Variants in POLA2 observed in about 807,000 individuals in gnomAD.
POLA2 encodes the protein DNA polymerase alpha subunit B.
Under a neutral mutation model 82.8 loss-of-function variants are expected in POLA2, and 47 were observed. The observed-to-expected ratio is 0.57, with a 90% CI of 0.45 to 0.72. The LOEUF (loss-of-function observed/expected upper bound fraction) is 0.72, where lower values mean the gene tolerates loss of function less well. Among genes scored for constraint, POLA2 ranks in the 30% least tolerant of loss-of-function variants. The pLI is 0.00. For missense variants in POLA2, 634 were observed against 728.1 expected (o/e 0.87, Z 1.49); for synonymous variants, 287 against 286.8 (o/e 1.00, Z -0.01).
At chr11:65,268,752 T>C (rs749447174) in intron 4 of POLA2, 23 bp downstream of exon 4, 46 of 1,469,556 alleles carry the variant, frequency 3.1e-5, no homozygotes, top group Admixed American at 4.6e-5. Flanking sequence ...TGTTTGGACA[T>C]TGCATTTTAC....
intron 4 of POLA2, 54 bp downstream of exon 4, chr11:65,268,783 T>G: frequency 2.5e-6 from 3 of 1,182,490 alleles, no homozygotes; most frequent in African/African-American, 1.6e-5. Flanking sequence ...TTAAAATAGT[T>G]TCACAACATT....
At chr11:65,283,872 A>G (rs992466335) in intron 10 of POLA2, among the ~76,000 whole-genome samples, 4 of 151,854 alleles carry the variant, frequency 2.6e-5, no homozygotes, top group Non-Finnish European at 4.4e-5. Flanking sequence ...AAATATTTCA[A>G]CATAATTTCA....
At position 65,297,303 on chromosome 11, in the gene POLA2, G is replaced by A; in HGVS notation, c.*34G>A. The A allele has an allele frequency of 1.3e-6, 2 of 1,546,914 alleles. No individual in the cohort carries two copies. The highest frequency in any genetic ancestry group is 1.2e-5 in the South Asian group (1 of 80,940). ...TCCTCTGCTGTTCTCTGCTGTGTGGGCCCTTAAAGTCTTAGCCAAGAGCCA... is the reference window on the plus strand; with the variant it reads ...TCCTCTGCTGTTCTCTGCTGTGTGGACCCTTAAAGTCTTAGCCAAGAGCCA... On this transcript the variant is annotated 3_prime_UTR_variant, in exon 18 of 18. Transcript: ENST00000265465.
intron 17 of POLA2, among the ~76,000 whole-genome samples, chr11:65,296,673 G>A (rs1212678240): frequency 1.3e-5 from 2 of 152,144 alleles, no homozygotes; most frequent in Non-Finnish European, 2.9e-5. Context: ...GAGGCCGGGC[G>A]CAGTGGTTGA....
At position 65,298,122 on chromosome 11, in the gene POLA2, G is replaced by C. The variant is rs1212086046; in HGVS notation, c.*853G>C. 1.3e-5 allele frequency: 2 copies of C among 152,466 alleles called. No homozygotes were observed. The highest frequency in any genetic ancestry group is 2.9e-5 in the Non-Finnish European group (2 of 68,262). The allele number at this position is 152,466 out of a possible 1,614,324, so 9.4% of individuals were successfully genotyped here. Reference sequence around the variant, plus strand: ...CCCCAAAGGCCCCAGTGACCTCTATGCTGCAGAGGTGCACTGGGTGGGCCC... The same window carrying C: ...CCCCAAAGGCCCCAGTGACCTCTATCCTGCAGAGGTGCACTGGGTGGGCCC... On this transcript the variant is annotated 3_prime_UTR_variant, in exon 18 of 18. Coordinates refer to ENST00000265465, the MANE Select transcript of POLA2 (RefSeq NM_002689.4).
In POLA2 at chr11:65,262,259, T is replaced by G. The variant is rs1317680224; in HGVS notation, c.-34T>G. The G allele has an allele frequency of 1.3e-6, 2 of 1,575,076 alleles. No individual in the cohort carries two copies. Among genetic ancestry groups the G allele is most frequent in the Admixed American group, 1.7e-5 (1 of 58,684 alleles). On this transcript the variant is annotated 5_prime_UTR_variant, in exon 1 of 18. Transcript: ENST00000265465. ...TTCTTGGGCGCAGGTCGGAGCTGGG[T>G]GGGCCGGCTCCCCGGCCCCTGGCTT...
At chr11:65,288,966 C>G in intron 11 of POLA2, 84 bp from the exon 12 acceptor site, 1 of 1,273,028 alleles carries the variant, frequency 7.9e-7, no homozygotes. Context: ...CCACAGAGAA[C>G]TGCCAGAGGA....
chr11:65,262,297 C>T lies in POLA2; in HGVS notation c.5C>T (p.Ser2Phe), dbSNP rs1362540700. 1 of 1,612,774 alleles carries T rather than the reference C, an allele frequency of 6.2e-7. No individual in the cohort carries two copies. Among genetic ancestry groups the T allele is most frequent in the Admixed American group, 1.7e-5 (1 of 59,952 alleles). Residue 2 changes from serine to phenylalanine, a missense_variant, in exon 1 of 18, where the codon TCC becomes TTC. Transcript: ENST00000265465. The stretch of plus-strand genomic sequence containing the variant: ...CGGCCCCTGGCTTGGGCGACCATGT[C>T]CGCATCCGCCCAGCAGCTGGCGGAG... The part of the protein sequence containing the change: M[S>F]ASAQQLAEEL...
At chr11:65,294,029 T>C in intron 13 of POLA2, 124 bp from the exon 14 acceptor site, 1 of 801,298 alleles carries the variant, frequency 1.2e-6, no homozygotes, top group Admixed American at 1.7e-5. Flanking sequence ...AGAGTGCAGT[T>C]CTGAGCTGCC....
chr11:65,267,629 G>A, intron 3 of POLA2, 61 bp downstream of exon 3: 1 of 1,084,310 alleles, frequency 9.2e-7, no homozygotes, highest in East Asian at 2.5e-5. Context: ...TAATTTGTCT[G>A]TAGTCGCATG....
At chr11:65,271,143 A>G (rs950171721) in intron 4 of POLA2, among the ~76,000 whole-genome samples, 1 of 152,108 alleles carries the variant, frequency 6.6e-6, no homozygotes, top group Non-Finnish European at 1.5e-5. Flanking sequence ...TTATATACTT[A>G]CTTTTTTGTT....
At chr11:65,279,940 C>A (rs894498374) in intron 7 of POLA2, 2 of 282,188 alleles carry the variant, frequency 7.1e-6, no homozygotes, top group Admixed American at 5.1e-5. Flanking sequence ...ATTCACGTAT[C>A]GAGATAAAAG....
chr11:65,295,985 G>C lies in POLA2; in HGVS notation c.1642G>C (p.Val548Leu). Residue 548 changes from valine to leucine, a missense_variant, in exon 17 of 18, where the codon GTG becomes CTG. Transcript: ENST00000265465. ...CATCCCGTCAGAGCTGAGGTACTTC[G>C]TGAAGGTAGGTTTGAACTCTGCTTT... ...LIIPSELRYF[V>L]KDVLGCVCVN... 2 of 1,614,130 alleles carry C rather than the reference G, an allele frequency of 1.2e-6. No individual in the cohort carries two copies. The highest frequency in any genetic ancestry group is 1.7e-6 in the Non-Finnish European group (2 of 1,180,004).
chr11:65,301,326 C>T (rs1025714266), downstream of POLA2, among the ~76,000 whole-genome samples: 5 of 152,150 alleles, frequency 3.3e-5, no homozygotes, highest in African/African-American at 1.2e-4. Context: ...GTTTGCCTCC[C>T]ACCCCCTGTG....
chr11:65,283,627 C>T (rs554208910), intron 10 of POLA2, among the ~76,000 whole-genome samples: 5 of 151,902 alleles, frequency 3.3e-5, no homozygotes, highest in East Asian at 1.9e-4. Context: ...ACACCACACC[C>T]GGCTAATTTT....
At chr11:65,294,719 A>G in intron 15 of POLA2, 67 bp downstream of exon 15, 1 of 1,075,222 alleles carries the variant, frequency 9.3e-7, no homozygotes, top group Non-Finnish European at 1.4e-6. Flanking sequence ...TTCTGCAGCC[A>G]AGAAAATCAA....
At chr11:65,270,175 A>G (rs1949507712) in intron 4 of POLA2, among the ~76,000 whole-genome samples, 1 of 152,238 alleles carries the variant, frequency 6.6e-6, no homozygotes, top group Non-Finnish European at 1.5e-5. Context: ...GTAGAAATTC[A>G]TAAACATGGA....
intron 3 of POLA2, among the ~76,000 whole-genome samples, chr11:65,268,044 A>G (rs999304994): frequency 1.3e-5 from 2 of 151,750 alleles, no homozygotes; most frequent in African/African-American, 4.8e-5. Flanking sequence ...CCGCCTGCCT[A>G]GGCCTCCCAA....
downstream of POLA2, among the ~76,000 whole-genome samples, chr11:65,302,336 G>C (rs979414092): frequency 2.6e-5 from 4 of 152,222 alleles, no homozygotes; most frequent in African/African-American, 9.6e-5. Context: ...TCCTGCTTCA[G>C]AGGAAGTGCC....
Sources: allele counts gnomAD v4.1 joint callset (sites outside exome capture counted in the v4.1 genomes callset), GRCh38; gene constraint gnomAD v4.1.1; transcripts MANE v1.5; gene names NCBI Gene and HGNC (gene_info 2026-07-23, HGNC 2026-07-21).